TRAPPC9: variants seen among roughly 807,000 people sequenced by gnomAD.
TRAPPC9 encodes the protein trafficking protein particle complex subunit 9.
In TRAPPC9, 83 loss-of-function variants were observed where a neutral mutation model predicts 124.0. That is an observed-to-expected ratio of 0.67 (90% CI 0.56 to 0.80). The LOEUF (loss-of-function observed/expected upper bound fraction) is 0.80, where lower values mean the gene tolerates loss of function less well. Among genes scored for constraint, TRAPPC9 ranks in the 30% least tolerant of loss-of-function variants. TRAPPC9 has a pLI of 0.00. For synonymous variants in TRAPPC9, 638 were observed against 617.5 expected, an observed-to-expected ratio of 1.03 and a Z score of -0.49; for missense variants, 1,302 against 1,508.3, an observed-to-expected ratio of 0.86 and a Z score of 2.27.
intron 18 of TRAPPC9, among the ~76,000 whole-genome samples, chr8:140,015,700 C>T (rs933280513): frequency 7.2e-5 from 11 of 151,890 alleles, no homozygotes; most frequent in African/African-American, 1.5e-4. Context: ...CCCAGCTACT[C>T]GGGAGGCTGA....
At chr8:139,901,566 G>A (rs1399752984) in intron 20 of TRAPPC9, among the ~76,000 whole-genome samples, 1 of 152,196 alleles carries the variant, frequency 6.6e-6, no homozygotes, top group East Asian at 1.9e-4. Flanking sequence ...ATCTTGCCTG[G>A]GTGAGAATAT....
chr8:140,353,468 A>C lies in TRAPPC9; in HGVS notation c.1495+6582T>G, dbSNP rs953366448. ...ACATATGGTTGAACCTTACTCGCTC[A>C]CCTGGGGCTTTTGATCCCAGTCCCT... On this transcript the variant is annotated intron_variant, in intron 9 of 22. Transcript: ENST00000438773. This position sits in a 1 kb window ranked among gnomAD's most constrained non-coding sequence, Gnocchi z 4.2. Among the ~76,000 whole-genome samples the C allele has an allele frequency of 3.9e-5, 6 of 152,182 alleles. No individual in the cohort carries two copies. The highest frequency in any genetic ancestry group is 1.2e-4 in the African/African-American group (5 of 41,444).
chr8:139,820,776 G>A (rs996646096), intron 21 of TRAPPC9, among the ~76,000 whole-genome samples: 7 of 152,168 alleles, frequency 4.6e-5, no homozygotes, highest in African/African-American at 1.4e-4. Context: ...TTACAAAGGT[G>A]GCATGCTAAT....
chr8:140,143,352 C>A (rs2061409247), intron 17 of TRAPPC9, among the ~76,000 whole-genome samples: 1 of 152,096 alleles, frequency 6.6e-6, no homozygotes, highest in South Asian at 2.1e-4. Context: ...ACTGATCTAT[C>A]AGTGGGACTC....
intron 17 of TRAPPC9, among the ~76,000 whole-genome samples, chr8:140,151,950 C>T (rs962477916): frequency 7.9e-5 from 12 of 152,216 alleles, no homozygotes; most frequent in Non-Finnish European, 1.5e-5. Context: ...CTGGCATTCA[C>T]TTTTGCCCTG....
At chr8:139,760,185 C>T (rs976049312) in intron 21 of TRAPPC9, among the ~76,000 whole-genome samples, 2 of 152,166 alleles carry the variant, frequency 1.3e-5, no homozygotes, top group Non-Finnish European at 2.9e-5. Context: ...CTGTGTGGCT[C>T]TGTGAGTAGG....
At chr8:139,792,733 T>C (rs1287592468) in intron 21 of TRAPPC9, among the ~76,000 whole-genome samples, 2 of 152,190 alleles carry the variant, frequency 1.3e-5, no homozygotes, top group East Asian at 1.9e-4. Flanking sequence ...CCACAGTGCA[T>C]TGCAGAGCTG....
chr8:140,216,721 G>A lies in TRAPPC9; in HGVS notation c.2556+4738C>T, dbSNP rs148609550. Reference sequence around the variant, plus strand: ...CTCTGCACCTGCCAGCCGCAGGTTCGGGAATGCCCTCTCCACTCTGGCCTG... The same window carrying A: ...CTCTGCACCTGCCAGCCGCAGGTTCAGGAATGCCCTCTCCACTCTGGCCTG... On this transcript the variant is annotated intron_variant, in intron 17 of 22. Transcript: ENST00000438773. This position sits in a 1 kb window ranked among gnomAD's most constrained non-coding sequence, Gnocchi z 4.1. Among the ~76,000 whole-genome samples the A allele has an allele frequency of 5.5e-4, 84 of 152,268 alleles. No individual in the cohort carries two copies. The highest frequency in any genetic ancestry group is 1.9e-3 in the African/African-American group (77 of 41,542).
intron 17 of TRAPPC9, among the ~76,000 whole-genome samples, chr8:140,074,422 C>T (rs539535970): frequency 1.3e-5 from 2 of 152,322 alleles, no homozygotes; most frequent in African/African-American, 2.4e-5. Context: ...AGCTTTTCCC[C>T]GTCCCTCTTC....
chr8:139,977,559 A>G (rs1230696579), intron 19 of TRAPPC9, among the ~76,000 whole-genome samples: 1 of 150,262 alleles, frequency 6.7e-6, no homozygotes, highest in Admixed American at 6.6e-5. Context: ...CAGAGCTTGC[A>G]GAGAGCGGAG....
At position 140,149,623 on chromosome 8, in the gene TRAPPC9, C is replaced by CAA. The variant is rs397968262; in HGVS notation, c.2556+71834_2556+71835dup. Among the ~76,000 whole-genome samples, 119 of 130,180 alleles carry CAA rather than the reference C, an allele frequency of 9.1e-4. 1 individual carries two copies. The highest frequency in any genetic ancestry group is 2.6e-3 in the African/African-American group (92 of 35,574). 85.4% of individuals were successfully genotyped at this position (130,180 alleles called of 152,430 possible). ...TAAGTGACAGAGCAAGACTCCATCT[C>CAA]AAAAAAAAAAAAAAGAATATTATTC... On this transcript the variant is annotated intron_variant, in intron 17 of 22. Transcript: ENST00000438773.
At chr8:140,449,512 T>C (rs1280564669) in intron 2 of TRAPPC9, among the ~76,000 whole-genome samples, 2 of 152,214 alleles carry the variant, frequency 1.3e-5, no homozygotes, top group Non-Finnish European at 2.9e-5. Context: ...ATCTGCAATT[T>C]TGATTTGAAA....
chr8:139,796,937 C>G (rs1206713981), intron 21 of TRAPPC9, among the ~76,000 whole-genome samples: 2 of 152,228 alleles, frequency 1.3e-5, no homozygotes, highest in Non-Finnish European at 2.9e-5. Context: ...TTCTAGCCAT[C>G]CTAGCTGGTG....
chr8:140,298,996 G>A (rs1453165646), intron 11 of TRAPPC9, among the ~76,000 whole-genome samples: 1 of 152,204 alleles, frequency 6.6e-6, no homozygotes, highest in African/African-American at 2.4e-5. Context: ...AGAGAAGCTG[G>A]GAAGAGAATC....
At chr8:140,451,978 G>A (rs962413385) in intron 1 of TRAPPC9, among the ~76,000 whole-genome samples, 15 of 151,978 alleles carry the variant, frequency 9.9e-5, no homozygotes, top group South Asian at 6.2e-4. Context: ...AAAATTAGCC[G>A]GGTGTGGTGG....
In TRAPPC9 at chr8:139,778,179, A is replaced by C. The variant is rs543028581; in HGVS notation, c.3056-45977T>G. 1.6e-4 allele frequency among the ~76,000 whole-genome samples: 25 copies of C among 152,176 alleles called. No individual in the cohort carries two copies. The East Asian group carries it at 3.9e-3, about 23-fold the overall frequency. On this transcript the variant is annotated intron_variant, in intron 21 of 22. Transcript: ENST00000438773. ...CCATCAGTCAAACACACACACACAC[A>C]CCCATCAGAATTCATAAGGCATTAG...
intron 9 of TRAPPC9, among the ~76,000 whole-genome samples, chr8:140,358,777 C>T (rs750546913): frequency 7.2e-5 from 11 of 152,196 alleles, no homozygotes; most frequent in Non-Finnish European, 1.5e-4. Flanking sequence ...GTCGCCCAGA[C>T]GGCCTGCAGG....
intron 18 of TRAPPC9, among the ~76,000 whole-genome samples, chr8:140,016,704 G>A (rs1026728858): frequency 6.6e-6 from 1 of 152,168 alleles, no homozygotes; most frequent in African/African-American, 2.4e-5. Context: ...TGGGCATTTG[G>A]GGTTGTTTCC....
intron 10 of TRAPPC9, among the ~76,000 whole-genome samples, chr8:140,305,359 G>C (rs2066099149): frequency 6.6e-6 from 1 of 151,996 alleles, no homozygotes; most frequent in Non-Finnish European, 1.5e-5. Context: ...GGAGTGCAGT[G>C]GTGCGATCTC....
Sources: gnomAD v4.1 joint callset for allele counts (sites outside exome capture counted in the v4.1 genomes callset) on GRCh38, gnomAD v4.1.1 for gene constraint, Gnocchi (gnomAD v3.1) non-coding constraint, MANE v1.5 for transcripts, NCBI Gene and HGNC (gene_info 2026-07-23, HGNC 2026-07-21) for gene names.